The following SEMA3A variants were observed in gnomAD, a reference collection of about 807,000 sequenced individuals.
SEMA3A encodes semaphorin 3A, also known as semaphorin-3A.
In SEMA3A, 29 loss-of-function variants were observed where a neutral mutation model predicts 97.9. The observed-to-expected ratio is 0.30, with a 90% CI of 0.22 to 0.40. The LOEUF (loss-of-function observed/expected upper bound fraction) is 0.40. SEMA3A is among the 10% of genes least tolerant of loss of function. The pLI, the probability that SEMA3A is intolerant of heterozygous loss-of-function variation, is 1.00. For synonymous variants in SEMA3A, 321 were observed against 323.7 expected (o/e 0.99, Z 0.09); for missense variants, 763 against 951.3 (o/e 0.80, Z 2.60).
At chr7:84,324,301 T>C (rs1801723795) in intron 2 of SEMA3A, among the ~76,000 whole-genome samples, 2 of 152,176 alleles carry the variant, frequency 1.3e-5, no homozygotes, top group Admixed American at 1.3e-4. Context: ...GAGCTTCCAT[T>C]CAAATCTTGT....
chr7:84,109,007 T>A (rs1795202246), intron 4 of SEMA3A, among the ~76,000 whole-genome samples: 1 of 151,760 alleles, frequency 6.6e-6, no homozygotes, highest in African/African-American at 2.4e-5. Flanking sequence ...TCATGACTCA[T>A]GTAAAAAGTG....
At chr7:84,391,730 G>T (rs1803584094) in intron 1 of SEMA3A, among the ~76,000 whole-genome samples, 1 of 152,096 alleles carries the variant, frequency 6.6e-6, no homozygotes, top group Admixed American at 6.6e-5. Flanking sequence ...TTAGCACTTT[G>T]GGAGGTCAAG....
chr7:83,972,319 T>C (rs904729006), intron 15 of SEMA3A, among the ~76,000 whole-genome samples: 1 of 151,918 alleles, frequency 6.6e-6, no homozygotes, highest in African/African-American at 2.4e-5. Context: ...TCATGGGTAA[T>C]ATGCTTCGTA....
chr7:84,383,051 T>C (rs1803307772), intron 1 of SEMA3A, among the ~76,000 whole-genome samples: 1 of 152,180 alleles, frequency 6.6e-6, no homozygotes, highest in African/African-American at 2.4e-5. Context: ...CAAACATTTA[T>C]GTCATTATTC....
chr7:84,407,498 A>C (rs79571930), intron 1 of SEMA3A, among the ~76,000 whole-genome samples: 47,876 of 151,128 alleles, frequency 0.32, 9,154 homozygotes, highest in African/African-American at 0.54. Flanking sequence ...AATGCCATCC[A>C]CATCAAGTTA....
rs538351305 is a variant in SEMA3A, at chr7:84,004,285, T to A, written c.1360+1054A>T. Among the ~76,000 whole-genome samples, 288 of 152,082 alleles carry A rather than the reference T, an allele frequency of 1.9e-3. 1 individual carries two copies. The highest frequency in any genetic ancestry group is 6.7e-3 in the African/African-American group (277 of 41,528). On this transcript the variant is annotated intron_variant, in intron 11 of 16. Coordinates refer to ENST00000265362, the MANE Select transcript of SEMA3A (RefSeq NM_006080.3). ...AGCTGGGAAAAAATAAAATAATATA[T>A]CATAATAACAATGGAATTCATTCTG...
At chr7:84,402,196 G>T (rs1257923330) in intron 1 of SEMA3A, among the ~76,000 whole-genome samples, 1 of 151,988 alleles carries the variant, frequency 6.6e-6, no homozygotes, top group Non-Finnish European at 1.5e-5. Flanking sequence ...AATAAAAAAG[G>T]CCTGGATAGA....
chr7:84,009,483 G>T (rs1355572232), intron 9 of SEMA3A, among the ~76,000 whole-genome samples: 1 of 152,172 alleles, frequency 6.6e-6, no homozygotes, highest in Non-Finnish European at 1.5e-5. Flanking sequence ...ATAAAACAGT[G>T]TTGGACATTG....
intron 1 of SEMA3A, among the ~76,000 whole-genome samples, chr7:84,135,838 C>T (rs1056303845): frequency 9.2e-5 from 14 of 152,232 alleles, no homozygotes; most frequent in Admixed American, 7.2e-4. Flanking sequence ...TTCATGAAAA[C>T]ATGAATTAAA....
chr7:84,424,522 G>T (rs6954145), intron 1 of SEMA3A, among the ~76,000 whole-genome samples: 1 of 69,476 alleles, frequency 1.4e-5, no homozygotes, highest in African/African-American at 5.5e-5. Context: ...ATTAATATAT[G>T]TTATATATAA....
At chr7:84,446,878 G>A (rs1805426853) in intron 1 of SEMA3A, among the ~76,000 whole-genome samples, 1 of 152,086 alleles carries the variant, frequency 6.6e-6, no homozygotes, top group Admixed American at 6.5e-5. Flanking sequence ...TCAGGAACAG[G>A]TGGGAGCCCC....
chr7:83,977,142 G>A lies in SEMA3A; in HGVS notation c.1707C>T (p.Asp569=), dbSNP rs1373171276. 4 of 1,576,822 alleles carry A rather than the reference G, an allele frequency of 2.5e-6. No individual in the cohort carries two copies. The East Asian group carries it at 9.3e-5, about 37-fold the overall frequency. ...AAAAATGTGACTTACCATGGTGTAAGTCTGAACAGTGAGTCAGTGGGTCTC... is the reference window on the plus strand; with the variant it reads ...AAAAATGTGACTTACCATGGTGTAAATCTGAACAGTGAGTCAGTGGGTCTC... ...RNGDPLTHCS[D]LHHDNHHGHS... is the part of the protein sequence containing the mutation. Residue 569 remains aspartate (D), a synonymous_variant, in exon 15 of 17, where the codon GAC becomes GAT. Coordinates refer to ENST00000265362, the MANE Select transcript of SEMA3A (RefSeq NM_006080.3).
chr7:84,325,891 C>G (rs911324484), intron 2 of SEMA3A, among the ~76,000 whole-genome samples: 1 of 152,050 alleles, frequency 6.6e-6, no homozygotes, highest in Non-Finnish European at 1.5e-5. Flanking sequence ...TTTGTATCCT[C>G]TGGCCAACAT....
intron 13 of SEMA3A, among the ~76,000 whole-genome samples, chr7:83,984,608 C>CTTTTTTTTTTTTTTTTTTTTTTTTTT (rs371082897): frequency 1.0e-5 from 1 of 98,884 alleles, no homozygotes; most frequent in Non-Finnish European, 1.9e-5. Flanking sequence ...GATTTTTCTG[C>CTTTTTTTTTTTTTTTTTTTTTTTTTT]TTTTTTTTTT....
At chr7:84,313,505 C>T (rs1801417154) in intron 2 of SEMA3A, among the ~76,000 whole-genome samples, 1 of 149,328 alleles carries the variant, frequency 6.7e-6, no homozygotes, top group African/African-American at 2.5e-5. Context: ...TGCACTGTCT[C>T]CTATTCTAAA....
intron 6 of SEMA3A, among the ~76,000 whole-genome samples, chr7:84,026,269 T>G (rs1313834669): frequency 1.3e-5 from 2 of 152,204 alleles, no homozygotes; most frequent in Non-Finnish European, 2.9e-5. Context: ...AACCCTGACT[T>G]TGAGGAGAAA....
intron 1 of SEMA3A, among the ~76,000 whole-genome samples, chr7:84,155,424 GC>G (rs1796814112): frequency 6.6e-6 from 1 of 152,098 alleles, no homozygotes; most frequent in Non-Finnish European, 1.5e-5. Context: ...ATGTCAGTGT[GC>G]TTTGGGCAGG....
chr7:84,425,105 A>T (rs916889577), intron 1 of SEMA3A, among the ~76,000 whole-genome samples: 1 of 108,256 alleles, frequency 9.2e-6, no homozygotes, highest in African/African-American at 3.8e-5. Flanking sequence ...TATAAATATA[A>T]ATATATATTT....
At chr7:84,036,724 A>T (rs1346004000) in intron 6 of SEMA3A, among the ~76,000 whole-genome samples, 3 of 152,126 alleles carry the variant, frequency 2.0e-5, no homozygotes, top group Non-Finnish European at 4.4e-5. Context: ...CTCATTAATA[A>T]TGTAGCTATT....
Sources: allele counts gnomAD v4.1 joint callset (sites outside exome capture counted in the v4.1 genomes callset), GRCh38; gene constraint gnomAD v4.1.1; transcripts MANE v1.5; gene names NCBI Gene and HGNC (gene_info 2026-07-23, HGNC 2026-07-21).